RASGEF1C: variants seen among roughly 807,000 people sequenced by gnomAD.
RASGEF1C encodes RasGEF domain family member 1C.
In RASGEF1C, 27 loss-of-function variants were observed where a neutral mutation model predicts 58.1. The ratio of observed to expected loss-of-function variants is 0.46; its 90% CI spans 0.34 to 0.64. The LOEUF (loss-of-function observed/expected upper bound fraction) is 0.64, where lower values mean the gene tolerates loss of function less well. Ranked by LOEUF, RASGEF1C falls within the 30% of genes least tolerant of loss-of-function variation. The pLI is 0.01. For missense variants in RASGEF1C, 502 were observed against 605.1 expected (o/e 0.83, Z 1.79); for synonymous variants, 243 against 246.3 (o/e 0.99, Z 0.13).
At chr5:180,182,426 C>T (rs1418772893) in intron 1 of RASGEF1C, among the ~76,000 whole-genome samples, 2 of 152,058 alleles carry the variant, frequency 1.3e-5, no homozygotes, top group African/African-American at 4.8e-5. Flanking sequence ...ATTGTGAAGA[C>T]CAAAAGAACT....
chr5:180,193,872 AGT>A (rs1193250060), intron 1 of RASGEF1C, among the ~76,000 whole-genome samples: 2 of 152,198 alleles, frequency 1.3e-5, no homozygotes, highest in African/African-American at 2.4e-5. Flanking sequence ...AGGAATCCAC[AGT>A]GTGTCTCAGA....
At chr5:180,139,559 G>C (rs910088379) in intron 1 of RASGEF1C, among the ~76,000 whole-genome samples, 2 of 152,240 alleles carry the variant, frequency 1.3e-5, no homozygotes, top group Non-Finnish European at 2.9e-5. Context: ...GAAGGGCTCA[G>C]GCATTGGTGT....
intron 11 of RASGEF1C, among the ~76,000 whole-genome samples, chr5:180,112,081 A>T (rs6894203): frequency 0.35 from 53,349 of 151,996 alleles, 9,838 homozygotes; most frequent in East Asian, 0.48. Context: ...AGCTGGGACC[A>T]CACAAGCACC....
intron 1 of RASGEF1C, among the ~76,000 whole-genome samples, chr5:180,176,089 A>G (rs1255901994): frequency 2.6e-5 from 4 of 152,256 alleles, no homozygotes; most frequent in African/African-American, 7.2e-5. Context: ...CAAAGAGGCC[A>G]CATCGCTGGC....
chr5:180,189,342 C>T (rs1250023406), intron 1 of RASGEF1C, among the ~76,000 whole-genome samples: 3 of 152,146 alleles, frequency 2.0e-5, no homozygotes, highest in Non-Finnish European at 4.4e-5. Flanking sequence ...TGTCAGTTTT[C>T]CCAAATGGAT....
chr5:180,176,770 A>C (rs371649587), intron 1 of RASGEF1C, among the ~76,000 whole-genome samples: 28 of 152,010 alleles, frequency 1.8e-4, no homozygotes, highest in Admixed American at 4.6e-4. Context: ...GTTGGCCAGG[A>C]TGGTCTCGAT....
chr5:180,201,792 T>C (rs1354929536), intron 1 of RASGEF1C, among the ~76,000 whole-genome samples: 1 of 152,184 alleles, frequency 6.6e-6, no homozygotes, highest in Non-Finnish European at 1.5e-5. Flanking sequence ...TTAGTGCCCT[T>C]AGAAAAGAGG....
intron 1 of RASGEF1C, among the ~76,000 whole-genome samples, chr5:180,190,904 A>T (rs1186038692): frequency 6.6e-6 from 1 of 152,214 alleles, no homozygotes; most frequent in Non-Finnish European, 1.5e-5. Context: ...TATTGGGTGG[A>T]AAATTTATAG....
chr5:180,167,091 GA>G (rs1247738617), intron 1 of RASGEF1C, among the ~76,000 whole-genome samples: 1 of 152,104 alleles, frequency 6.6e-6, no homozygotes, highest in Non-Finnish European at 1.5e-5. Flanking sequence ...GCGGGTTCTT[GA>G]ACTGTAAGTT....
chr5:180,116,141 A>C (rs961615073), intron 10 of RASGEF1C, among the ~76,000 whole-genome samples: 54 of 152,030 alleles, frequency 3.6e-4, no homozygotes, highest in African/African-American at 1.3e-3. Flanking sequence ...TGGCCACGCC[A>C]CTCAAGGCCA....
intron 1 of RASGEF1C, among the ~76,000 whole-genome samples, chr5:180,195,824 C>T (rs913849554): frequency 1.3e-5 from 2 of 151,994 alleles, no homozygotes; most frequent in African/African-American, 4.8e-5. Context: ...GGCCCGCCGT[C>T]CGGTGAGGCA....
chr5:180,205,146 G>A (rs1338748376), intron 1 of RASGEF1C, among the ~76,000 whole-genome samples: 6 of 152,050 alleles, frequency 3.9e-5, no homozygotes, highest in South Asian at 2.1e-4. Context: ...CAGAGATCAC[G>A]CTACTGCATT....
At position 180,128,774 on chromosome 5, in the gene RASGEF1C, A is replaced by G. The variant is rs1766310397; in HGVS notation, c.439-164T>C. Reference sequence around the variant, plus strand: ...GGGGCCAGGACCTGCCCCTACCCTGAAACAGGACCCAATCCCGGCCAGGGT... The same window carrying G: ...GGGGCCAGGACCTGCCCCTACCCTGGAACAGGACCCAATCCCGGCCAGGGT... On this transcript the variant is annotated intron_variant, in intron 4 of 13. Transcript: ENST00000361132. Among the ~76,000 whole-genome samples, 4 of 152,220 alleles carry G rather than the reference A, an allele frequency of 2.6e-5. No homozygotes were observed. The South Asian group carries it at 8.3e-4, about 31-fold the overall frequency.
intron 1 of RASGEF1C, among the ~76,000 whole-genome samples, chr5:180,208,021 C>T (rs1756519262): frequency 6.6e-6 from 1 of 152,172 alleles, no homozygotes; most frequent in Admixed American, 6.5e-5. Flanking sequence ...GGGCAGGCAG[C>T]AGGCGGCACA....
chr5:180,131,855 T>C (rs1343473583), intron 4 of RASGEF1C, among the ~76,000 whole-genome samples: 1 of 152,234 alleles, frequency 6.6e-6, no homozygotes, highest in Non-Finnish European at 1.5e-5. Context: ...TGAACCAATA[T>C]TCATTCCAAA....
rs192922452 is a variant in RASGEF1C, at chr5:180,152,843, G to A, written c.-6-14785C>T. ...GGAGAACTGCTTGAACCCGAGAGGCGGAAGTTGCAGTGGGCCGAGATTGCG... is the reference window on the plus strand; with the variant it reads ...GGAGAACTGCTTGAACCCGAGAGGCAGAAGTTGCAGTGGGCCGAGATTGCG... On this transcript the variant is annotated intron_variant, in intron 1 of 13. Transcript: ENST00000361132. 2.2e-3 allele frequency among the ~76,000 whole-genome samples: 330 copies of A among 150,538 alleles called. 2 individuals are homozygous for A. Among genetic ancestry groups the A allele is most frequent in the African/African-American group, 7.5e-3 (305 of 40,660 alleles).
At chr5:180,130,391 G>A (rs1766345943) in intron 4 of RASGEF1C, among the ~76,000 whole-genome samples, 1 of 152,200 alleles carries the variant, frequency 6.6e-6, no homozygotes, top group Non-Finnish European at 1.5e-5. Context: ...CTGGGAAGAT[G>A]GGGAGTGGGG....
At chr5:180,207,484 C>T (rs1171841862) in intron 1 of RASGEF1C, among the ~76,000 whole-genome samples, 13 of 152,226 alleles carry the variant, frequency 8.5e-5, no homozygotes, top group Non-Finnish European at 1.5e-5. Flanking sequence ...CTGGAACCAC[C>T]TCAGAGACTG....
intron 6 of RASGEF1C, among the ~76,000 whole-genome samples, 183 bp downstream of exon 6, chr5:180,127,426 C>T (rs1046866670): frequency 2.6e-5 from 4 of 152,248 alleles, no homozygotes; most frequent in Non-Finnish European, 5.9e-5. Context: ...GGACTCGGGA[C>T]TCGGTTGTCG....
Sources: gnomAD v4.1 joint callset for allele counts (sites outside exome capture counted in the v4.1 genomes callset) on GRCh38, gnomAD v4.1.1 for gene constraint, MANE v1.5 for transcripts, NCBI Gene and HGNC (gene_info 2026-07-23, HGNC 2026-07-21) for gene names.